The following ITIH5 variants were observed in gnomAD, a reference collection of about 807,000 sequenced individuals.
ITIH5 encodes the protein inter-alpha-trypsin inhibitor heavy chain 5, also known as inter-alpha-trypsin inhibitor heavy chain H5.
Under a neutral mutation model 77.5 loss-of-function variants are expected in ITIH5, and 65 were observed. The ratio of observed to expected loss-of-function variants is 0.84; its 90% CI spans 0.69 to 1.03. The LOEUF (loss-of-function observed/expected upper bound fraction) is 1.03, where lower values mean the gene tolerates loss of function less well. Ranked by LOEUF, ITIH5 falls within the 50% of genes least tolerant of loss-of-function variation. The probability of loss-of-function intolerance (pLI) is 0.00; values close to 1 mark genes in which losing one functional copy is unlikely to be tolerated. For synonymous variants in ITIH5, 525 were observed against 494.3 expected, an observed-to-expected ratio of 1.06 and a Z score of -0.82; for missense variants, 1,208 against 1,213.1, an observed-to-expected ratio of 1.00 and a Z score of 0.06.
chr10:7,607,714 T>G (rs1833153598), intron 7 of ITIH5, among the ~76,000 whole-genome samples: 1 of 152,228 alleles, frequency 6.6e-6, no homozygotes, highest in African/African-American at 2.4e-5. Context: ...CTCGGAAGGC[T>G]GAGGCAGGAG....
rs773374550 is a variant in ITIH5, at chr10:7,576,729, C to A, written c.1702G>T (p.Gly568Trp). 6.2e-6 allele frequency: 10 copies of A among 1,613,748 alleles called. No homozygotes were observed. The change falls in exon 10 of 14, where the codon GGG (glycine) becomes TGG (tryptophan). Residue 568 changes from glycine to tryptophan, a missense_variant. Transcript: ENST00000397146. The stretch of plus-strand genomic sequence containing the variant: ...AGACGCTCGATGTGGTTGGTGTCCC[C>A]CTCTCCATCGCCTCCAGGCCTGGGG... The part of the protein sequence containing the change: ...GSPRPGGDGE[G>W]DTNHIERLWS...
At chr10:7,594,953 T>TG (rs1048831080) in intron 7 of ITIH5, among the ~76,000 whole-genome samples, 4 of 152,212 alleles carry the variant, frequency 2.6e-5, no homozygotes, top group Non-Finnish European at 4.4e-5. Flanking sequence ...GGGTTTCCCC[T>TG]GGGGGGTCCG....
At chr10:7,609,636 A>G in intron 7 of ITIH5, 3 of 366,300 alleles carry the variant, frequency 8.2e-6, no homozygotes, top group South Asian at 6.2e-5. Flanking sequence ...TACAGATAAG[A>G]AACATGCTTG....
In ITIH5 at chr10:7,594,632, A is replaced by G. The variant is rs115887949; in HGVS notation, c.940-8563T>C. On this transcript the variant is annotated intron_variant, in intron 7 of 13. Transcript: ENST00000397146. ...GATTCGCGAGGGGATTAAGTGTCTG[A>G]TTTTAGAAGGCCACTCTTGCTCTTT... is the stretch of plus-strand genomic sequence containing the variant. Among the ~76,000 whole-genome samples, 581 of 152,234 alleles carry G rather than the reference A, an allele frequency of 3.8e-3. 2 individuals are homozygous for G. The highest frequency in any genetic ancestry group is 0.014 in the African/African-American group (563 of 41,548).
chr10:7,614,118 A>T lies in ITIH5; in HGVS notation c.939+1864T>A, dbSNP rs566806439. Among the ~76,000 whole-genome samples, 14 of 152,342 alleles carry T rather than the reference A, an allele frequency of 9.2e-5. No individual in the cohort carries two copies. In the South Asian group the frequency reaches 2.9e-3, roughly 32 times the overall value. On this transcript the variant is annotated intron_variant, in intron 7 of 13. Coordinates refer to ENST00000397146, the MANE Select transcript of ITIH5 (RefSeq NM_030569.7). ...TATCCTTAAAGGATAAAAGTAAAAT[A>T]AATCATTTTCAGACAAAGACAGAGA...
chr10:7,638,132 C>T (rs1001456083), intron 4 of ITIH5, among the ~76,000 whole-genome samples: 64 of 152,252 alleles, frequency 4.2e-4, no homozygotes, highest in Non-Finnish European at 5.9e-5. Context: ...AATTTTATAG[C>T]TCAGAACATG....
In ITIH5 at chr10:7,563,150, T is replaced by A; in HGVS notation, c.2762A>T (p.Asp921Val). ...GTCAAATGGATGGGATGCCAGGTAA[T>A]CCTTGTACTCCCCGTCAATCAGTTT... ...AAKLIDGEYK[D>V]YLASHPFDTG... The change falls in exon 14 of 14, where the codon GAT (aspartate) becomes GTT (valine). Residue 921 changes from aspartate (D) to valine (V), a missense_variant. By Grantham distance (152) the Asp-to-Val change is radical (BLOSUM62 -3). Coordinates refer to ENST00000397146, the MANE Select transcript of ITIH5 (RefSeq NM_030569.7). 6.2e-7 allele frequency: 1 copy of A among 1,614,124 alleles called. No homozygotes were observed. Among genetic ancestry groups the A allele is most frequent in the Non-Finnish European group, 8.5e-7 (1 of 1,179,962 alleles).
At chr10:7,603,152 G>A (rs1199170828) in intron 7 of ITIH5, among the ~76,000 whole-genome samples, 2 of 152,106 alleles carry the variant, frequency 1.3e-5, no homozygotes, top group Non-Finnish European at 2.9e-5. Context: ...CTCACCTCAC[G>A]CTCTCAGAAT....
rs1383021863 is a variant in ITIH5, at chr10:7,666,799, T to C, written c.90+4A>G. ...GGGACCCGGCTCCCCTCGGCTCCAC[T>C]TACCTGCTCCGAAGAGTGGCCCCAG... On this transcript the variant is annotated splice_donor_region_variant and intron_variant, in intron 1 of 13. Coordinates refer to ENST00000397146, the MANE Select transcript of ITIH5 (RefSeq NM_030569.7). 1 of 1,604,344 alleles carries C rather than the reference T, an allele frequency of 6.2e-7. No homozygotes were observed. The highest frequency in any genetic ancestry group is 1.1e-5 in the South Asian group (1 of 90,082).
rs141124086 is a variant in ITIH5 at position 7,572,338 on chromosome 10, C to T, written c.2032+804G>A. 2.3e-5 allele frequency: 31 copies of T among 1,367,454 alleles called. No homozygotes were observed. The African/African-American group carries it at 3.1e-4, about 14-fold the overall frequency. The allele number at this position is 1,367,454 out of a possible 1,614,324, so 84.7% of individuals were successfully genotyped here. A position where few individuals can be genotyped will look rare whatever the true frequency, so the allele number is the denominator to read the frequency against. ...GAATTTTTATTATAGTTCCAGGATG[C>T]TGGCAAAAGGAAATTTCATGACATT... On this transcript the variant is annotated intron_variant, in intron 11 of 13. Transcript: ENST00000397146.
At chr10:7,587,220 T>C (rs186834746) in intron 7 of ITIH5, among the ~76,000 whole-genome samples, 2 of 152,146 alleles carry the variant, frequency 1.3e-5, no homozygotes, top group Admixed American at 1.3e-4. Context: ...ATAACAGGTA[T>C]ACACTAAAAT....
At chr10:7,606,525 C>A (rs1442275958) in intron 7 of ITIH5, among the ~76,000 whole-genome samples, 3 of 152,124 alleles carry the variant, frequency 2.0e-5, no homozygotes, top group African/African-American at 7.2e-5. Context: ...TACTGTATAC[C>A]CTCACTTATA....
At chr10:7,593,975 G>T (rs923944401) in intron 7 of ITIH5, among the ~76,000 whole-genome samples, 2 of 152,240 alleles carry the variant, frequency 1.3e-5, no homozygotes, top group African/African-American at 4.8e-5. Flanking sequence ...GAAAGAGGAG[G>T]AGCGTCCACA....
In ITIH5 at chr10:7,566,190, G is replaced by A. The variant is rs754260167; in HGVS notation, c.2367C>T (p.Ser789=). The A allele has an allele frequency of 1.6e-5, 26 of 1,613,834 alleles. No individual in the cohort carries two copies. Among genetic ancestry groups the A allele is most frequent in the South Asian group, 1.2e-4 (11 of 91,056 alleles). ...CGGTGACATTGGCGTTGGCAGACAC[G>A]GACACCTCCAGCCCCCAGCTCCCCA... is the stretch of plus-strand genomic sequence containing the variant. The part of the protein sequence containing the change: ...VVVGSWGLEV[S]VSANANVTVT... Residue 789 remains serine, a synonymous_variant, in exon 13 of 14, where the codon TCC becomes TCT. Transcript: ENST00000397146.
intron 7 of ITIH5, among the ~76,000 whole-genome samples, chr10:7,597,581 CACCCG>C (rs1832931091): frequency 8.8e-5 from 12 of 136,174 alleles, no homozygotes; most frequent in Non-Finnish European, 1.1e-4. Context: ...ACCCCAGAGA[CACCCG>C]TACACAGCAT....
rs895670141 is a variant in ITIH5, at chr10:7,628,703, G to A, written c.652+8525C>T. 8.2e-4 allele frequency among the ~76,000 whole-genome samples: 113 copies of A among 138,004 alleles called. 6 individuals are homozygous for A. The highest frequency in any genetic ancestry group is 1.5e-3 in the Non-Finnish European group (95 of 61,484). 90.5% of individuals were successfully genotyped at this position (138,004 alleles called of 152,430 possible). ...TTGTAGCGTGTGTCCATGTTGCAGC[G>A]TGTGTCCATGTTGTAGCGTGTGTCC... is the stretch of plus-strand genomic sequence containing the variant. On this transcript the variant is annotated intron_variant, in intron 5 of 13. Transcript: ENST00000397146.
chr10:7,641,030 A>G (rs1833877396), intron 3 of ITIH5, among the ~76,000 whole-genome samples, 175 bp from the exon 4 acceptor site: 1 of 152,180 alleles, frequency 6.6e-6, no homozygotes, highest in Admixed American at 6.5e-5. Context: ...TTCTAGGGCA[A>G]TTTTCAACAG....
At chr10:7,622,699 T>C (rs929883536) in intron 5 of ITIH5, among the ~76,000 whole-genome samples, 2 of 152,222 alleles carry the variant, frequency 1.3e-5, no homozygotes, top group Admixed American at 6.5e-5. Context: ...AATATGCTTA[T>C]ATAAAGAATA....
chr10:7,598,140 A>G (rs1313927470), intron 7 of ITIH5, among the ~76,000 whole-genome samples: 1 of 152,226 alleles, frequency 6.6e-6, no homozygotes, highest in East Asian at 1.9e-4. Context: ...GAAATCAATG[A>G]TCGTGCAATG....
Sources: allele counts gnomAD v4.1 joint callset (sites outside exome capture counted in the v4.1 genomes callset), GRCh38; gene constraint gnomAD v4.1.1; transcripts MANE v1.5; gene names NCBI Gene and HGNC (gene_info 2026-07-23, HGNC 2026-07-21).